Variants in DDX59 observed in about 807,000 individuals in gnomAD.
The protein encoded by DDX59 is probable ATP-dependent RNA helicase DDX59.
DDX59 carries 30 observed loss-of-function variants against 51.9 expected under a neutral mutation model. The ratio of observed to expected loss-of-function variants is 0.58; its 90% CI spans 0.43 to 0.78. The LOEUF is 0.78. Among genes scored for constraint, DDX59 ranks in the 30% least tolerant of loss-of-function variants. DDX59 has a pLI of 0.00. For synonymous variants in DDX59, 255 were observed against 253.3 expected, an observed-to-expected ratio of 1.01 and a Z score of -0.06; for missense variants, 672 against 730.8, an observed-to-expected ratio of 0.92 and a Z score of 0.93.
chr1:200,650,134 G>T (rs893985105), intron 5 of DDX59, among the ~76,000 whole-genome samples: 1 of 151,992 alleles, frequency 6.6e-6, no homozygotes, highest in African/African-American at 2.4e-5. Context: ...TTGAGCCACC[G>T]CACCCAGCCC....
At chr1:200,643,904 G>A (rs147589325), downstream of DDX59, 379 of 166,692 alleles carry the variant, frequency 2.3e-3, 3 homozygotes, top group African/African-American at 8.4e-3. Flanking sequence ...TAATTTAAGT[G>A]CCAATGTGCT....
intron 7 of DDX59, among the ~76,000 whole-genome samples, chr1:200,646,343 C>G (rs1003931969): frequency 6.6e-6 from 1 of 151,100 alleles, no homozygotes; most frequent in Admixed American, 6.6e-5. Context: ...CTTAAAAAAA[C>G]AAACAAACAA....
Position 200,644,347 on chromosome 1 carries a change from T to C in DDX59, c.1767A>G (p.Gln589=). The change falls in exon 8 of 8, where the codon CAA becomes CAG. Residue 589 remains glutamine, a synonymous_variant. Coordinates refer to ENST00000331314, the MANE Select transcript of DDX59 (RefSeq NM_001031725.6). The part of the protein sequence containing the change: ...PYLHDQKRKE[Q]QKDKQTQNDL... The stretch of plus-strand genomic sequence containing the variant: ...CATTCTGTGTCTGTTTATCTTTCTG[T>C]TGTTCCTTTCTCTTCTGGTCATGAA... 2 of 1,614,022 alleles carry C rather than the reference T, an allele frequency of 1.2e-6. No homozygotes were observed. The highest frequency in any genetic ancestry group is 1.7e-6 in the Non-Finnish European group (2 of 1,179,962).
intron 4 of DDX59, among the ~76,000 whole-genome samples, chr1:200,655,681 C>T (rs12750815): frequency 0.04 from 6,160 of 152,264 alleles, 171 homozygotes; most frequent in Admixed American, 0.073. Flanking sequence ...CTGATACATC[C>T]TCTAGTTTTC....
chr1:200,660,884 G>A (rs1045788285), intron 3 of DDX59, among the ~76,000 whole-genome samples: 6 of 152,162 alleles, frequency 3.9e-5, no homozygotes, highest in African/African-American at 1.4e-4. Context: ...TGGTACATAC[G>A]CAGGGGATCC....
At chr1:200,646,753 A>G (rs757718896) in intron 7 of DDX59, among the ~76,000 whole-genome samples, 6 of 152,246 alleles carry the variant, frequency 3.9e-5, no homozygotes, top group Non-Finnish European at 7.3e-5. Context: ...ATTCATAGGC[A>G]TATGTCCAAT....
chr1:200,649,187 C>A lies in DDX59; in HGVS notation c.1354G>T (p.Asp452Tyr). 6.3e-7 allele frequency: 1 copy of A among 1,593,244 alleles called. No individual in the cohort carries two copies. Among genetic ancestry groups the A allele is most frequent in the Non-Finnish European group, 8.5e-7 (1 of 1,173,832 alleles). The change falls in exon 6 of 8, where the codon GAC becomes TAC. Residue 452 changes from aspartate (D) to tyrosine (Y), a missense_variant. Physicochemically the swap from Asp to Tyr is radical, Grantham distance 160. Coordinates refer to ENST00000331314, the MANE Select transcript of DDX59 (RefSeq NM_001031725.6). ...AAAAGATCTGCTCCTAGTTTGCAGT[C>A]CACAAATACTAACACTGGAGGCTTA... ...LFKPPVLVFV[D>Y]CKLGADLLSE...
At chr1:200,668,521 C>G (rs1190616741) in intron 1 of DDX59, among the ~76,000 whole-genome samples, 1 of 152,106 alleles carries the variant, frequency 6.6e-6, no homozygotes, top group Non-Finnish European at 1.5e-5. Context: ...TTTATTTAAC[C>G]CTGTATATCG....
At position 200,654,394 on chromosome 1, in the gene DDX59, GA is replaced by G. The variant is rs1553268675; in HGVS notation, c.1063-3719del. 563 of 143,990 alleles carry G rather than the reference GA, an allele frequency of 3.9e-3. 2 individuals are homozygous for G. Among genetic ancestry groups the G allele is most frequent in the South Asian group, 7.2e-3 (33 of 4,552 alleles). The allele number at this position is 143,990 out of a possible 1,614,324, so 8.9% of individuals were successfully genotyped here. A position where few individuals can be genotyped will look rare whatever the true frequency, so the allele number is the denominator to read the frequency against. On this transcript the variant is annotated intron_variant, in intron 4 of 7. Transcript: ENST00000331314. ...CGCCACTGCACTCCAGCCTGGCGGG[GA>G]AAAAAAAAAAGAATTGCCTGAGGGG...
downstream of DDX59, chr1:200,643,993 T>A (rs1462912016): frequency 1.4e-5 from 5 of 361,882 alleles, no homozygotes; most frequent in East Asian, 7.6e-4. Context: ...GTTCTGACAG[T>A]AGCTCTGAGG....
At chr1:200,647,903 G>T (rs897126549) in intron 7 of DDX59, among the ~76,000 whole-genome samples, 1 of 151,466 alleles carries the variant, frequency 6.6e-6, no homozygotes, top group African/African-American at 2.4e-5. Flanking sequence ...GAACCTGGGA[G>T]GCGCAGGTTG....
At chr1:200,643,608 A>C (rs983787558), downstream of DDX59, among the ~76,000 whole-genome samples, 3 of 152,120 alleles carry the variant, frequency 2.0e-5, no homozygotes, top group Admixed American at 2.0e-4. Context: ...GTGCCACTGC[A>C]CTCCAGCCTG....
chr1:200,667,333 G>A (rs1026142928), intron 1 of DDX59, among the ~76,000 whole-genome samples: 1 of 152,174 alleles, frequency 6.6e-6, no homozygotes, highest in African/African-American at 2.4e-5. Flanking sequence ...CCCAGGAGGC[G>A]GAGGTTGCGG....
rs1204480970 is a variant in DDX59 at position 200,666,588 on chromosome 1, T to C, written c.153A>G (p.Thr51=). ...PVDAVATEAA[T]IDRHISESCP... ...ATGATTCGCTGATGTGCCTGTCTAT[T>C]GTGGCTGCTTCTGTAGCTACAGCAT... The change falls in exon 2 of 8, where the codon ACA becomes ACG. Residue 51 remains threonine, a synonymous_variant. Transcript: ENST00000331314. 3 of 1,614,230 alleles carry C rather than the reference T, an allele frequency of 1.9e-6. No homozygotes were observed. The highest frequency in any genetic ancestry group is 2.2e-5 in the South Asian group (2 of 91,088).
At chr1:200,658,635 G>A (rs1662183455) in intron 4 of DDX59, among the ~76,000 whole-genome samples, 1 of 152,182 alleles carries the variant, frequency 6.6e-6, no homozygotes, top group Non-Finnish European at 1.5e-5. Context: ...GGTTGAGGCT[G>A]CAGTGAGCTG....
chr1:200,668,858 T>C (rs538127498), intron 1 of DDX59, among the ~76,000 whole-genome samples: 1 of 152,362 alleles, frequency 6.6e-6, no homozygotes, highest in African/African-American at 2.4e-5. Flanking sequence ...CATTCCTTTT[T>C]ATGGATCCCA....
At chr1:200,663,312 C>A (rs1662495856) in intron 3 of DDX59, among the ~76,000 whole-genome samples, 1 of 152,186 alleles carries the variant, frequency 6.6e-6, no homozygotes, top group Non-Finnish European at 1.5e-5. Context: ...TGTGCCAAAC[C>A]TTCCATTAAA....
downstream of DDX59, among the ~76,000 whole-genome samples, chr1:200,643,181 G>A (rs1369447350): frequency 7.8e-6 from 1 of 127,796 alleles, no homozygotes; most frequent in African/African-American, 3.0e-5. Context: ...AGCTACTTGG[G>A]AGGCTGAGGT....
At chr1:200,645,090 T>C (rs1162280461) in intron 7 of DDX59, among the ~76,000 whole-genome samples, 1 of 151,992 alleles carries the variant, frequency 6.6e-6, no homozygotes, top group Non-Finnish European at 1.5e-5. Context: ...TTTGTGAAAC[T>C]TGTGTTTTAG....
Sources: allele counts gnomAD v4.1 joint callset (sites outside exome capture counted in the v4.1 genomes callset), GRCh38; gene constraint gnomAD v4.1.1; transcripts MANE v1.5; gene names NCBI Gene and HGNC (gene_info 2026-07-23, HGNC 2026-07-21).